The following RIMS1 variants were observed in gnomAD, a reference collection of about 807,000 sequenced individuals.
RIMS1 encodes the protein regulating synaptic membrane exocytosis protein 1.
A neutral mutation model predicts 214.1 loss-of-function variants in RIMS1; 83 were observed. The observed-to-expected ratio is 0.39, with a 90% CI of 0.32 to 0.47. RIMS1 has a LOEUF of 0.47. RIMS1 is among the 20% of genes least tolerant of loss of function. RIMS1 has a pLI of 0.99. For synonymous variants in RIMS1, 793 were observed against 786.8 expected (o/e 1.01, Z -0.13); for missense variants, 2,050 against 2,161.8 (o/e 0.95, Z 1.03).
At chr6:72,308,113 A>T (rs1053301226) in intron 27 of RIMS1, among the ~76,000 whole-genome samples, 1 of 152,116 alleles carries the variant, frequency 6.6e-6, no homozygotes, top group Admixed American at 6.5e-5. Flanking sequence ...GTGATTTGAG[A>T]TTTCTTACAG....
chr6:72,332,075 A>G (rs2096678981), intron 28 of RIMS1, among the ~76,000 whole-genome samples: 1 of 151,794 alleles, frequency 6.6e-6, no homozygotes, highest in African/African-American at 2.4e-5. Context: ...ATATGACAAC[A>G]AACTTGTTAC....
chr6:71,964,016 A>G (rs897156809), intron 1 of RIMS1, among the ~76,000 whole-genome samples: 2 of 152,182 alleles, frequency 1.3e-5, no homozygotes, highest in African/African-American at 4.8e-5. Flanking sequence ...GTATTTCAGC[A>G]GTAGGAGACA....
chr6:71,971,634 G>C (rs1161267717), intron 2 of RIMS1, among the ~76,000 whole-genome samples: 1 of 152,138 alleles, frequency 6.6e-6, no homozygotes, highest in Non-Finnish European at 1.5e-5. Context: ...GAGGTTTATT[G>C]GACTTACAGT....
chr6:72,079,940 T>A (rs985174678), intron 2 of RIMS1, among the ~76,000 whole-genome samples: 3 of 146,636 alleles, frequency 2.0e-5, no homozygotes, highest in African/African-American at 7.4e-5. Flanking sequence ...AATCGTTTTT[T>A]TAAAAAACAA....
chr6:71,975,918 T>G (rs897892567), intron 2 of RIMS1, among the ~76,000 whole-genome samples: 2 of 152,150 alleles, frequency 1.3e-5, no homozygotes, highest in Non-Finnish European at 2.9e-5. Context: ...TGCCCAGTGA[T>G]TGTATCGACA....
intron 1 of RIMS1, among the ~76,000 whole-genome samples, chr6:71,939,388 A>T (rs1233475842): frequency 6.6e-6 from 1 of 152,088 alleles, no homozygotes; most frequent in Non-Finnish European, 1.5e-5. Flanking sequence ...GTTTCTTCCA[A>T]TCTGTACACA....
At chr6:72,129,321 G>T (rs1317288248) in intron 4 of RIMS1, among the ~76,000 whole-genome samples, 1 of 152,078 alleles carries the variant, frequency 6.6e-6, no homozygotes, top group Non-Finnish European at 1.5e-5. Context: ...ACTATATAGA[G>T]AATTAATAAT....
chr6:71,909,463 T>C (rs1238073668), intron 1 of RIMS1, among the ~76,000 whole-genome samples: 1 of 152,208 alleles, frequency 6.6e-6, no homozygotes, highest in Admixed American at 6.5e-5. Flanking sequence ...CAAATTGACA[T>C]CCAAATCACA....
intron 2 of RIMS1, among the ~76,000 whole-genome samples, chr6:72,019,166 G>A (rs1019130675): frequency 2.6e-5 from 4 of 151,026 alleles, no homozygotes; most frequent in African/African-American, 9.7e-5. Flanking sequence ...AAACCCATAG[G>A]ATGAAAATAC....
intron 9 of RIMS1, among the ~76,000 whole-genome samples, chr6:72,238,306 T>A (rs965864390): frequency 2.0e-5 from 3 of 152,062 alleles, no homozygotes; most frequent in Admixed American, 2.0e-4. Context: ...GTTATTTAGT[T>A]TATATTTTAA....
At chr6:72,064,802 G>T (rs1043740779) in intron 2 of RIMS1, among the ~76,000 whole-genome samples, 1 of 152,170 alleles carries the variant, frequency 6.6e-6, no homozygotes, top group Non-Finnish European at 1.5e-5. Context: ...ATACAGGTGC[G>T]GGGTTCTGTT....
rs373531264 is a variant in RIMS1 at position 72,106,867 on chromosome 6, T to C, written c.471+6881T>C. On this transcript the variant is annotated intron_variant, in intron 4 of 33. Coordinates refer to ENST00000521978, the MANE Select transcript of RIMS1 (RefSeq NM_014989.7). ...TCAAAGGACCATTTGGGAGGACTCT[T>C]GTATATGAGATTTATGCGTCATATG... Among the ~76,000 whole-genome samples, 27 of 152,344 alleles carry C rather than the reference T, an allele frequency of 1.8e-4. No homozygotes were observed. The East Asian group carries it at 3.5e-3, about 20-fold the overall frequency.
In RIMS1 at chr6:72,154,684, T is replaced by C. The variant is rs543686961; in HGVS notation, c.472-24891T>C. The stretch of plus-strand genomic sequence containing the variant: ...TCCAGCACATCATCAAAGCAAGAAA[T>C]TTAAGAATAGAAACATCAAAGAGGA... On this transcript the variant is annotated intron_variant, in intron 4 of 33. Transcript: ENST00000521978. Among the ~76,000 whole-genome samples, 116 of 140,446 alleles carry C rather than the reference T, an allele frequency of 8.3e-4. 19 individuals carry two copies. Among genetic ancestry groups the C allele is most frequent in the Non-Finnish European group, 1.6e-3 (102 of 61,826 alleles). 92.1% of individuals were successfully genotyped at this position (140,446 alleles called of 152,430 possible). A position where few individuals can be genotyped will look rare whatever the true frequency, so the allele number is the denominator to read the frequency against.
intron 22 of RIMS1, among the ~76,000 whole-genome samples, chr6:72,270,043 C>T (rs1029057086): frequency 5.9e-5 from 9 of 152,074 alleles, no homozygotes; most frequent in Non-Finnish European, 1.2e-4. Flanking sequence ...TATTAAAATA[C>T]ATTGTATTTT....
chr6:72,042,265 C>T (rs980520387), intron 2 of RIMS1, among the ~76,000 whole-genome samples: 1 of 151,756 alleles, frequency 6.6e-6, no homozygotes, highest in Admixed American at 6.6e-5. Context: ...AGAGAAGAAA[C>T]CCTGCTGATC....
intron 1 of RIMS1, among the ~76,000 whole-genome samples, chr6:71,925,305 A>G (rs1435323061): frequency 6.6e-6 from 1 of 152,182 alleles, no homozygotes; most frequent in Non-Finnish European, 1.5e-5. Context: ...AATCAGTGTG[A>G]TAAAGGCTAT....
At chr6:72,340,877 A>T (rs995117197) in intron 29 of RIMS1, among the ~76,000 whole-genome samples, 1 of 152,028 alleles carries the variant, frequency 6.6e-6, no homozygotes, top group Non-Finnish European at 1.5e-5. Context: ...CTTGGGCAGT[A>T]TGGCCATTTT....
At chr6:72,387,833 C>A (rs1057490493) in intron 29 of RIMS1, among the ~76,000 whole-genome samples, 2 of 152,170 alleles carry the variant, frequency 1.3e-5, no homozygotes, top group East Asian at 3.9e-4. Flanking sequence ...GTAATTCATT[C>A]TGTAGAAGCT....
chr6:72,114,665 A>G (rs2036727628), intron 4 of RIMS1, among the ~76,000 whole-genome samples: 1 of 151,902 alleles, frequency 6.6e-6, no homozygotes, highest in South Asian at 2.1e-4. Flanking sequence ...TGAACTTTGA[A>G]TGAATGAGTG....
Sources: gnomAD v4.1 joint callset for allele counts (sites outside exome capture counted in the v4.1 genomes callset) on GRCh38, gnomAD v4.1.1 for gene constraint, MANE v1.5 for transcripts, NCBI Gene and HGNC (gene_info 2026-07-23, HGNC 2026-07-21) for gene names.